The following VASH2 variants were observed in gnomAD, a reference collection of about 807,000 sequenced individuals.
The protein encoded by VASH2 is vasohibin 2, also known as tubulinyl-Tyr carboxypeptidase 2.
Under a neutral mutation model 37.2 loss-of-function variants are expected in VASH2, and 28 were observed. That is an observed-to-expected ratio of 0.75 (90% confidence interval 0.56 to 1.03). VASH2 has a LOEUF of 1.03. Ranked by LOEUF, VASH2 falls within the 50% of genes least tolerant of loss-of-function variation. The pLI is 0.00. For synonymous variants in VASH2, 188 were observed against 174.7 expected, an observed-to-expected ratio of 1.08 and a Z score of -0.60; for missense variants, 419 against 459.1, an observed-to-expected ratio of 0.91 and a Z score of 0.80.
chr1:212,988,609 G>T lies in VASH2; in HGVS notation c.*25G>T. 6.2e-7 allele frequency: 1 copy of T among 1,612,014 alleles called. No individual in the cohort carries two copies. The highest frequency in any genetic ancestry group is 8.5e-7 in the Non-Finnish European group (1 of 1,178,196). On this transcript the variant is annotated 3_prime_UTR_variant, in exon 8 of 8. Transcript: ENST00000517399. Reference sequence around the variant, plus strand: ...GCCAAGCCATACCGGCCAGCAAGAGGGTTTCTGTGGTGCTTCTCTCTGCAC... The same window carrying T: ...GCCAAGCCATACCGGCCAGCAAGAGTGTTTCTGTGGTGCTTCTCTCTGCAC...
intron 5 of VASH2, among the ~76,000 whole-genome samples, chr1:212,970,991 C>T (rs1015983185): frequency 1.3e-5 from 2 of 152,100 alleles, no homozygotes; most frequent in African/African-American, 4.8e-5. Flanking sequence ...CTGCCCACCA[C>T]CGTTCTACTC....
Position 212,972,889 on chromosome 1 carries a change from C to T in VASH2, c.807C>T (p.Leu269=), listed in dbSNP as rs778384136. 32 of 1,614,110 alleles carry T rather than the reference C, an allele frequency of 2.0e-5. 1 individual carries two copies. The South Asian group carries it at 3.4e-4, about 17-fold the overall frequency. The change falls in exon 6 of 8, where the codon CTC becomes CTT. Residue 269 remains leucine, a synonymous_variant. Coordinates refer to ENST00000517399, the MANE Select transcript of VASH2 (RefSeq NM_001301056.2). ...FQPIEWKQLV[L]NVSKMLRADI... ...CCATTGAGTGGAAGCAGCTGGTCCT[C>T]AACGTCTCAAAGATGCTGAGGGCTG...
At chr1:212,977,922 G>T (rs1380684183) in intron 7 of VASH2, among the ~76,000 whole-genome samples, 1 of 152,222 alleles carries the variant, frequency 6.6e-6, no homozygotes, top group East Asian at 1.9e-4. Context: ...TGATGAATCA[G>T]AATGGGAAAA....
intron 2 of VASH2, among the ~76,000 whole-genome samples, chr1:212,958,859 GTGCATCACCATGCTCGGC>G (rs1169019721): frequency 6.6e-6 from 1 of 151,904 alleles, no homozygotes; most frequent in East Asian, 1.9e-4. Flanking sequence ...AACTACAGGC[GTGCATCACCATGCTCGGC>G]TAATTTTCTT....
At chr1:212,972,119 A>G (rs543025967) in intron 5 of VASH2, among the ~76,000 whole-genome samples, 1 of 152,152 alleles carries the variant, frequency 6.6e-6, no homozygotes, top group East Asian at 1.9e-4. Flanking sequence ...TGCATTCCCA[A>G]TTGTTCCAGG....
chr1:212,950,624 G>C lies in VASH2; in HGVS notation c.-321G>C, dbSNP rs1013175324. 1.3e-5 allele frequency: 2 copies of C among 154,478 alleles called. No homozygotes were observed. The highest frequency in any genetic ancestry group is 4.8e-5 in the African/African-American group (2 of 41,590). 9.6% of individuals were successfully genotyped at this position (154,478 alleles called of 1,614,324 possible). A position where few individuals can be genotyped will look rare whatever the true frequency, so the allele number is the denominator to read the frequency against. On this transcript the variant is annotated 5_prime_UTR_variant, in exon 1 of 8. Transcript: ENST00000517399. This position sits in a 1 kb window ranked among gnomAD's most constrained non-coding sequence, Gnocchi z 5.5. ...AGAATGGGACATGGAATGAGGCGAC[G>C]GCCCCAGCAAGCCCCAGCAGCCCCA...
Position 212,951,790 on chromosome 1 carries a change from C to T in VASH2, c.248C>T (p.Ala83Val), listed in dbSNP as rs1382256453. The change falls in exon 2 of 8, where the codon GCC (alanine) becomes GTC (valine). Residue 83 changes from alanine to valine, a missense_variant. Transcript: ENST00000517399. This position sits in a 1 kb window ranked among gnomAD's most constrained non-coding sequence, Gnocchi z 4.4. ...CCTAAGGGGGGAGAAATGGTGGGCG[C>T]CATCAGGAACGCCGCCTTCTTGGCA... is the stretch of plus-strand genomic sequence containing the variant. ...VHPKGGEMVG[A>V]IRNAAFLAKP... The T allele has an allele frequency of 6.8e-6, 11 of 1,607,324 alleles. No homozygotes were observed. In the South Asian group the frequency reaches 1.0e-4, roughly 15 times the overall value.
At chr1:212,987,890 C>T (rs1368383040) in intron 7 of VASH2, among the ~76,000 whole-genome samples, 1 of 152,220 alleles carries the variant, frequency 6.6e-6, no homozygotes, top group African/African-American at 2.4e-5. Context: ...GAAGTACTTT[C>T]TCACATGACT....
chr1:212,974,132 G>C, intron 7 of VASH2, 62 bp downstream of exon 7: 1 of 1,509,268 alleles, frequency 6.6e-7, no homozygotes, highest in Non-Finnish European at 8.9e-7. Flanking sequence ...GGGTTGTCCT[G>C]GCCCATGGGG....
intron 3 of VASH2, 161 bp downstream of exon 3, chr1:212,961,415 G>A: frequency 1.4e-6 from 2 of 1,464,072 alleles, no homozygotes; most frequent in East Asian, 2.4e-5. Flanking sequence ...GAAAGAGTGT[G>A]CGTGGAGGTT....
chr1:212,987,838 CAG>C (rs1386584784), intron 7 of VASH2, among the ~76,000 whole-genome samples: 1 of 152,208 alleles, frequency 6.6e-6, no homozygotes, highest in East Asian at 1.9e-4. Context: ...TTAATGAAGA[CAG>C]ATGATGTGCT....
intron 5 of VASH2, chr1:212,968,326 A>G: frequency 1.0e-6 from 1 of 985,454 alleles, no homozygotes; most frequent in Non-Finnish European, 1.2e-6. Context: ...GAGACTTAAG[A>G]AGGAAAGAGA....
At chr1:212,988,168 G>A (rs528107751) in intron 7 of VASH2, among the ~76,000 whole-genome samples, 1 of 152,328 alleles carries the variant, frequency 6.6e-6, no homozygotes, top group Non-Finnish European at 1.5e-5. Flanking sequence ...TGGCTCTACT[G>A]TAGTGTATGT....
chr1:212,985,827 A>G (rs1667461642), intron 7 of VASH2, among the ~76,000 whole-genome samples: 1 of 152,226 alleles, frequency 6.6e-6, no homozygotes, highest in Non-Finnish European at 1.5e-5. Context: ...TCTTTTGAAG[A>G]CGTGTCCTAC....
Position 212,950,871 on chromosome 1 carries a change from G to C in VASH2, c.-205+131G>C, listed in dbSNP as rs1368350277. The C allele has an allele frequency of 1.3e-5, 2 of 152,352 alleles. No homozygotes were observed. Among genetic ancestry groups the C allele is most frequent in the Non-Finnish European group, 2.9e-5 (2 of 68,096 alleles). The allele number at this position is 152,352 out of a possible 1,614,324, so 9.4% of individuals were successfully genotyped here. ...CTCTTTCCACTAGATCCCCGCCGGG[G>C]TCCGGGAGGGCTTCCTGGAAGAAAG... On this transcript the variant is annotated intron_variant, in intron 1 of 7. Transcript: ENST00000517399. This position sits in a 1 kb window ranked among gnomAD's most constrained non-coding sequence, Gnocchi z 5.5.
intron 5 of VASH2, 35 bp from the exon 6 acceptor site, chr1:212,972,545 G>T (rs757906843): frequency 6.3e-7 from 1 of 1,590,598 alleles, no homozygotes; most frequent in Non-Finnish European, 8.5e-7. Flanking sequence ...AATTTTCAAG[G>T]CCTCCTTTCT....
intron 2 of VASH2, among the ~76,000 whole-genome samples, chr1:212,957,670 T>A (rs1572058444): frequency 6.7e-6 from 1 of 149,058 alleles, no homozygotes; most frequent in South Asian, 2.1e-4. Context: ...CACGCTGGAG[T>A]GCAGTGGCTC....
Position 212,971,581 on chromosome 1 carries a change from G to GT in VASH2, c.498-998dup, listed in dbSNP as rs1667011468. 6.6e-6 allele frequency among the ~76,000 whole-genome samples: 1 copy of GT among 152,118 alleles called. No individual in the cohort carries two copies. The highest frequency in any genetic ancestry group is 2.4e-5 in the African/African-American group (1 of 41,412). On this transcript the variant is annotated intron_variant, in intron 5 of 7. Transcript: ENST00000517399. This position sits in a 1 kb window ranked among gnomAD's most constrained non-coding sequence, Gnocchi z 4.0. ...CCCCAGAAAGCAGCTAGGAATTTAC[G>GT]TAAGAGGACTCAGAAGGATGTGATT...
At chr1:212,967,392 G>C in intron 5 of VASH2, 5 of 1,195,260 alleles carry the variant, frequency 4.2e-6, no homozygotes, top group Non-Finnish European at 5.3e-6. Context: ...TCAGATAGAA[G>C]AGCAAAGATG....
Sources: allele counts gnomAD v4.1 joint callset (sites outside exome capture counted in the v4.1 genomes callset), GRCh38; gene constraint gnomAD v4.1.1; non-coding constraint Gnocchi (gnomAD v3.1); transcripts MANE v1.5; gene names NCBI Gene and HGNC (gene_info 2026-07-23, HGNC 2026-07-21).